KCNT2: variants seen among roughly 807,000 people sequenced by gnomAD.
KCNT2 encodes the protein potassium sodium-activated channel subfamily T member 2.
A neutral mutation model predicts 153.8 loss-of-function variants in KCNT2; 67 were observed. The observed-to-expected ratio is 0.44, with a 90% CI of 0.36 to 0.53. KCNT2 has a LOEUF of 0.53. Ranked by LOEUF, KCNT2 falls within the 20% of genes least tolerant of loss-of-function variation. The pLI, the probability that KCNT2 is intolerant of heterozygous loss-of-function variation, is 0.00. For missense variants in KCNT2, 975 were observed against 1,354.8 expected (o/e 0.72, Z 4.40); for synonymous variants, 500 against 458.8 (o/e 1.09, Z -1.15).
chr1:196,576,900 T>C (rs1309213926), intron 1 of KCNT2, among the ~76,000 whole-genome samples: 3 of 152,134 alleles, frequency 2.0e-5, no homozygotes, highest in African/African-American at 7.2e-5. Flanking sequence ...TTCAATTAAG[T>C]TAGTTAAATT....
intron 25 of KCNT2, chr1:196,258,769 T>A (rs1436656761): frequency 2.5e-6 from 1 of 397,698 alleles, no homozygotes; most frequent in Non-Finnish European, 4.7e-6. Context: ...TAAACTTTAC[T>A]TAGCATACAT....
chr1:196,560,782 CT>C (rs923482078), intron 1 of KCNT2, among the ~76,000 whole-genome samples: 20 of 151,872 alleles, frequency 1.3e-4, no homozygotes, highest in African/African-American at 2.9e-4. Flanking sequence ...ACAAATGGTG[CT>C]GCCTTGTCCT....
chr1:196,503,087 A>G (rs968192157), intron 1 of KCNT2, among the ~76,000 whole-genome samples: 1 of 151,998 alleles, frequency 6.6e-6, no homozygotes, highest in African/African-American at 2.4e-5. Flanking sequence ...GAGCAGAAAA[A>G]TATACAGAAT....
intron 13 of KCNT2, among the ~76,000 whole-genome samples, chr1:196,388,369 T>C (rs942418759): frequency 2.0e-5 from 3 of 151,754 alleles, no homozygotes; most frequent in Non-Finnish European, 4.4e-5. Flanking sequence ...TTCTTTTTCA[T>C]AGTTGTTATG....
At chr1:196,590,735 C>T (rs1376177628) in intron 1 of KCNT2, among the ~76,000 whole-genome samples, 1 of 152,180 alleles carries the variant, frequency 6.6e-6, no homozygotes, top group Non-Finnish European at 1.5e-5. Context: ...CGTTACTTGG[C>T]AGTAAAATCG....
intron 26 of KCNT2, among the ~76,000 whole-genome samples, chr1:196,238,698 G>A (rs777643330): frequency 6.6e-6 from 1 of 151,896 alleles, no homozygotes; most frequent in Non-Finnish European, 1.5e-5. Context: ...GTGACTTTGT[G>A]TTTAAGAAGC....
intron 1 of KCNT2, among the ~76,000 whole-genome samples, chr1:196,536,267 G>C (rs958476644): frequency 6.6e-6 from 1 of 152,194 alleles, no homozygotes; most frequent in South Asian, 2.1e-4. Flanking sequence ...ATATGGCCTG[G>C]CCCCACATGG....
chr1:196,334,582 C>G lies in KCNT2; in HGVS notation c.1784-522G>C, dbSNP rs536548017. Reference sequence around the variant, plus strand: ...CTCCTCCTCCCAGGTTCAAGCGCCCCCTTTTCTATTGAGCTATCTTTTTGT... The same window carrying G: ...CTCCTCCTCCCAGGTTCAAGCGCCCGCTTTTCTATTGAGCTATCTTTTTGT... On this transcript the variant is annotated intron_variant, in intron 16 of 27. Transcript: ENST00000294725. 2.1e-3 allele frequency among the ~76,000 whole-genome samples: 318 copies of G among 149,544 alleles called. 2 individuals carry two copies. Among genetic ancestry groups the G allele is most frequent in the Middle Eastern group, 0.01 (3 of 290 alleles).
At chr1:196,272,790 A>G (rs1658193128) in intron 25 of KCNT2, among the ~76,000 whole-genome samples, 1 of 151,896 alleles carries the variant, frequency 6.6e-6, no homozygotes, top group South Asian at 2.1e-4. Context: ...AGTCAAATTC[A>G]TGGAAAAAGA....
chr1:196,297,229 T>C (rs1430884762), intron 22 of KCNT2, among the ~76,000 whole-genome samples: 1 of 152,122 alleles, frequency 6.6e-6, no homozygotes, highest in Non-Finnish European at 1.5e-5. Context: ...ATAAATTATT[T>C]ATTTTCATAA....
chr1:196,270,762 AC>A (rs1259517317), intron 25 of KCNT2, among the ~76,000 whole-genome samples: 1 of 151,694 alleles, frequency 6.6e-6, no homozygotes, highest in Non-Finnish European at 1.5e-5. Flanking sequence ...TAAGTGTAGA[AC>A]CTATACACTA....
At chr1:196,276,476 C>A (rs1442754445) in intron 25 of KCNT2, among the ~76,000 whole-genome samples, 1 of 151,960 alleles carries the variant, frequency 6.6e-6, no homozygotes, top group Non-Finnish European at 1.5e-5. Flanking sequence ...CTAAAGAATT[C>A]TCTCTGAAGC....
intron 18 of KCNT2, among the ~76,000 whole-genome samples, chr1:196,329,959 A>ATATATATATATATG (rs1475612806): frequency 2.4e-5 from 3 of 126,426 alleles, no homozygotes; most frequent in African/African-American, 7.1e-5. Flanking sequence ...ACATATATAT[A>ATATATATATATATG]TATATATATA....
intron 1 of KCNT2, 57 bp downstream of exon 1, chr1:196,608,158 C>G: frequency 3.3e-6 from 5 of 1,506,050 alleles, no homozygotes; most frequent in Non-Finnish European, 4.6e-6. Context: ...TCGGCCCTCC[C>G]ATTTCCGTCT....
At chr1:196,392,434 C>T (rs1670572889) in intron 13 of KCNT2, among the ~76,000 whole-genome samples, 1 of 151,122 alleles carries the variant, frequency 6.6e-6, no homozygotes. Context: ...TATAACAACT[C>T]TAAGCATTAT....
intron 8 of KCNT2, among the ~76,000 whole-genome samples, chr1:196,434,483 G>C (rs1371166210): frequency 6.6e-6 from 1 of 151,854 alleles, no homozygotes; most frequent in Non-Finnish European, 1.5e-5. Context: ...TTAACATAAT[G>C]TACTCATAAG....
chr1:196,559,707 TTC>T (rs1415234930), intron 1 of KCNT2, among the ~76,000 whole-genome samples: 3 of 151,806 alleles, frequency 2.0e-5, no homozygotes, highest in East Asian at 1.9e-4. Context: ...TAATGTGCAT[TTC>T]TCTGTTTTTT....
At chr1:196,400,422 T>C (rs993184565) in intron 12 of KCNT2, among the ~76,000 whole-genome samples, 3 of 151,786 alleles carry the variant, frequency 2.0e-5, no homozygotes, top group Non-Finnish European at 4.4e-5. Flanking sequence ...CAGTATCTAA[T>C]TAGACTTGGA....
intron 20 of KCNT2, among the ~76,000 whole-genome samples, chr1:196,318,137 T>G (rs948535765): frequency 2.6e-5 from 4 of 151,602 alleles, no homozygotes; most frequent in Non-Finnish European, 4.4e-5. Context: ...AGAAAGTCAA[T>G]CTAGATGGAA....
Sources: gnomAD v4.1 joint callset for allele counts (sites outside exome capture counted in the v4.1 genomes callset) on GRCh38, gnomAD v4.1.1 for gene constraint, MANE v1.5 for transcripts, NCBI Gene and HGNC (gene_info 2026-07-23, HGNC 2026-07-21) for gene names.